Variants in CDH13 observed in about 807,000 individuals in gnomAD.
CDH13 encodes the protein cadherin-13.
A neutral mutation model predicts 63.8 loss-of-function variants in CDH13; 24 were observed. The observed-to-expected ratio is 0.38, with a 90% CI of 0.27 to 0.53. The LOEUF (loss-of-function observed/expected upper bound fraction) is 0.53, where lower values mean the gene tolerates loss of function less well. Among genes scored for constraint, CDH13 ranks in the 20% least tolerant of loss-of-function variants. The probability of loss-of-function intolerance (pLI) is 0.85; values close to 1 mark genes in which losing one functional copy is unlikely to be tolerated. For missense variants in CDH13, 1,049 were observed against 903.1 expected (o/e 1.16, Z -2.07); for synonymous variants, 503 against 355.3 (o/e 1.42, Z -4.67).
chr16:83,610,267 C>T (rs760004258), intron 8 of CDH13, among the ~76,000 whole-genome samples: 11 of 152,086 alleles, frequency 7.2e-5, no homozygotes, highest in Non-Finnish European at 1.6e-4. Flanking sequence ...AATATCACTC[C>T]AAATTAGTAA....
At chr16:83,728,404 A>G (rs1910678198) in intron 10 of CDH13, among the ~76,000 whole-genome samples, 1 of 151,304 alleles carries the variant, frequency 6.6e-6, no homozygotes. Context: ...AAACGAGGAG[A>G]AAAGGTCTTG....
chr16:83,602,082 C>CAAAAAAAAAAAAAAAAAAA (rs576973198), intron 7 of CDH13, among the ~76,000 whole-genome samples: 1 of 32,294 alleles, frequency 3.1e-5, no homozygotes, highest in Non-Finnish European at 4.8e-5. Context: ...GACTCTGTCT[C>CAAAAAAAAAAAAAAAAAAA]AAAAAAAAAA....
Position 83,422,336 on chromosome 16 carries a change from C to G in CDH13, c.782-64141C>G, listed in dbSNP as rs567118098. On this transcript the variant is annotated intron_variant, in intron 6 of 13. Transcript: ENST00000567109. ...TAATAGGGGAACTTAAGAACCAGAACTGTTTCCTATGATGTTTAGGAGACA... is the reference window on the plus strand; with the variant it reads ...TAATAGGGGAACTTAAGAACCAGAAGTGTTTCCTATGATGTTTAGGAGACA... 3.9e-5 allele frequency among the ~76,000 whole-genome samples: 6 copies of G among 152,288 alleles called. No homozygotes were observed. In the South Asian group the frequency reaches 1.2e-3, roughly 32 times the overall value.
chr16:83,739,297 C>T (rs752180275), intron 10 of CDH13, among the ~76,000 whole-genome samples: 28 of 152,104 alleles, frequency 1.8e-4, no homozygotes, highest in Admixed American at 3.3e-4. Flanking sequence ...GGTGAGCTTC[C>T]CTGATGGAGA....
intron 10 of CDH13, chr16:83,717,698 T>G (rs1259198857): frequency 6.6e-6 from 1 of 152,408 alleles, no homozygotes; most frequent in Non-Finnish European, 1.5e-5. Context: ...CCAGGACTAT[T>G]GTGAGAGTTT....
chr16:83,209,144 C>A (rs1416853002), intron 4 of CDH13, among the ~76,000 whole-genome samples: 2 of 152,138 alleles, frequency 1.3e-5, no homozygotes, highest in Non-Finnish European at 2.9e-5. Context: ...CCAGTGGTGG[C>A]AGGCTGAACA....
chr16:83,579,527 A>T (rs758187018), intron 7 of CDH13, among the ~76,000 whole-genome samples: 2 of 151,808 alleles, frequency 1.3e-5, no homozygotes, highest in African/African-American at 4.8e-5. Context: ...TCTCACAAGA[A>T]CTCACTATCA....
chr16:83,071,034 C>T (rs2032400056), intron 3 of CDH13, among the ~76,000 whole-genome samples: 1 of 152,036 alleles, frequency 6.6e-6, no homozygotes, highest in Admixed American at 6.6e-5. Flanking sequence ...AAAGAACATT[C>T]CAGATTCTGC....
chr16:83,563,646 C>G (rs140549362), intron 7 of CDH13, among the ~76,000 whole-genome samples: 1 of 152,124 alleles, frequency 6.6e-6, no homozygotes, highest in Non-Finnish European at 1.5e-5. Flanking sequence ...CCTCTAGAAA[C>G]GACCAGTTTT....
chr16:82,677,073 G>C (rs764024794), intron 1 of CDH13, among the ~76,000 whole-genome samples: 1 of 152,066 alleles, frequency 6.6e-6, no homozygotes, highest in Non-Finnish European at 1.5e-5. Context: ...TAGTAGAGAC[G>C]GGGTTTCGCC....
At chr16:83,657,807 T>TG (rs1913001222) in intron 8 of CDH13, among the ~76,000 whole-genome samples, 1 of 152,190 alleles carries the variant, frequency 6.6e-6, no homozygotes, top group Non-Finnish European at 1.5e-5. Flanking sequence ...CCTTCAGCAC[T>TG]GCCAGCCACA....
chr16:83,016,278 A>T (rs1197474638), intron 2 of CDH13, among the ~76,000 whole-genome samples: 1 of 152,356 alleles, frequency 6.6e-6, no homozygotes, highest in African/African-American at 2.4e-5. Flanking sequence ...TAATTTCCTG[A>T]TAAAGTCTTG....
rs530771834 is a variant in CDH13, at chr16:83,300,194, A to C, written c.637-44668A>C. 1.2e-4 allele frequency among the ~76,000 whole-genome samples: 19 copies of C among 152,374 alleles called. No homozygotes were observed. In the South Asian group the frequency reaches 3.7e-3, roughly 30 times the overall value. On this transcript the variant is annotated intron_variant, in intron 5 of 13. Transcript: ENST00000567109. ...GGATATGCTCATAGAGCTGATAGAC[A>C]GTGATAAAACCTCAGCAACTGACCA...
intron 5 of CDH13, among the ~76,000 whole-genome samples, chr16:83,306,585 C>G (rs1328956948): frequency 6.6e-6 from 1 of 152,184 alleles, no homozygotes; most frequent in African/African-American, 2.4e-5. Flanking sequence ...CCTTGAACTT[C>G]TCAGCCTGCA....
intron 2 of CDH13, among the ~76,000 whole-genome samples, chr16:82,887,428 G>A (rs1217628586): frequency 2.0e-5 from 3 of 152,180 alleles, no homozygotes; most frequent in Admixed American, 1.3e-4. Context: ...GGTTGGATTA[G>A]GTTAGAAAAT....
At chr16:82,908,633 C>T (rs1212433996) in intron 2 of CDH13, among the ~76,000 whole-genome samples, 2 of 152,176 alleles carry the variant, frequency 1.3e-5, no homozygotes, top group Non-Finnish European at 2.9e-5. Flanking sequence ...AGGCAACCAA[C>T]ATTATTAGTT....
intron 7 of CDH13, among the ~76,000 whole-genome samples, chr16:83,598,609 C>G (rs879449168): frequency 1.3e-5 from 2 of 152,068 alleles, no homozygotes; most frequent in Non-Finnish European, 2.9e-5. Flanking sequence ...TGCCTTATTC[C>G]TACCTACGGA....
intron 2 of CDH13, among the ~76,000 whole-genome samples, chr16:82,918,274 G>C (rs901196816): frequency 6.6e-6 from 1 of 152,238 alleles, no homozygotes; most frequent in African/African-American, 2.4e-5. Context: ...TGATTTAAAC[G>C]AGTTCACACC....
chr16:83,046,542 C>G (rs1432234760), intron 3 of CDH13, among the ~76,000 whole-genome samples: 1 of 152,140 alleles, frequency 6.6e-6, no homozygotes, highest in African/African-American at 2.4e-5. Context: ...AGGAAAATTT[C>G]AAATGCAAAC....
Sources: gnomAD v4.1 joint callset for allele counts (sites outside exome capture counted in the v4.1 genomes callset) on GRCh38, gnomAD v4.1.1 for gene constraint, MANE v1.5 for transcripts, NCBI Gene and HGNC (gene_info 2026-07-23, HGNC 2026-07-21) for gene names.